The following TNR variants were observed in gnomAD, a reference collection of about 807,000 sequenced individuals.
TNR encodes tenascin R.
In TNR, 45 loss-of-function variants were observed where a neutral mutation model predicts 150.4. That is an observed-to-expected ratio of 0.30 (90% CI 0.24 to 0.38). The LOEUF is 0.38. Among genes scored for constraint, TNR ranks in the 10% least tolerant of loss-of-function variants. TNR has a pLI of 1.00. For missense variants in TNR, 1,544 were observed against 1,759.1 expected (o/e 0.88, Z 2.19); for synonymous variants, 687 against 678.4 (o/e 1.01, Z -0.20).
intron 2 of TNR, among the ~76,000 whole-genome samples, chr1:175,469,452 G>A (rs1430312280): frequency 6.6e-6 from 1 of 152,082 alleles, no homozygotes; most frequent in Non-Finnish European, 1.5e-5. Context: ...GGTCAGAGAA[G>A]GTTCAGAGAA....
chr1:175,699,474 G>T (rs11805782), intron 1 of TNR, among the ~76,000 whole-genome samples: 1 of 152,256 alleles, frequency 6.6e-6, no homozygotes, highest in South Asian at 2.1e-4. Flanking sequence ...CTTTAACTGA[G>T]GTTGGAGATT....
In TNR at chr1:175,320,725, T is replaced by TGTGTGTGTGTGTGTGTGTGTGTG. The variant is rs1553201218; in HGVS notation, c.*2631_*2632insCACACACACACACACACACACAC. On this transcript the variant is annotated 3_prime_UTR_variant, in exon 23 of 23. Coordinates refer to ENST00000367674, the MANE Select transcript of TNR (RefSeq NM_003285.3). ...GTGTGTGTGTGTGTGTGTGTGTGTG[T>TGTGTGTGTGTGTGTGTGTGTGTG]TTTACTTATGACTCCTGAATCAATC... The TGTGTGTGTGTGTGTGTGTGTGTG allele has an allele frequency of 1.3e-5, 2 of 151,622 alleles. No individual in the cohort carries two copies. Among genetic ancestry groups the TGTGTGTGTGTGTGTGTGTGTGTG allele is most frequent in the African/African-American group, 4.9e-5 (2 of 41,144 alleles). The allele number at this position is 151,622 out of a possible 1,614,324, so 9.4% of individuals were successfully genotyped here.
chr1:175,586,266 G>C (rs956045889), intron 1 of TNR, among the ~76,000 whole-genome samples: 2 of 152,156 alleles, frequency 1.3e-5, no homozygotes, highest in Non-Finnish European at 2.9e-5. Flanking sequence ...GATGCCAGGT[G>C]CTCCAAACAT....
At chr1:175,332,781 C>T (rs955838966) in intron 20 of TNR, among the ~76,000 whole-genome samples, 1 of 152,256 alleles carries the variant, frequency 6.6e-6, no homozygotes. Context: ...CCCTCAATGC[C>T]TTCTCCAGGA....
intron 1 of TNR, among the ~76,000 whole-genome samples, chr1:175,600,499 G>A (rs997585229): frequency 5.3e-5 from 8 of 152,216 alleles, no homozygotes; most frequent in African/African-American, 2.4e-5. Context: ...GTCTATACAT[G>A]AGATGCACCA....
intron 2 of TNR, among the ~76,000 whole-genome samples, chr1:175,412,140 A>C (rs1654240695): frequency 6.6e-6 from 1 of 152,192 alleles, no homozygotes; most frequent in African/African-American, 2.4e-5. Context: ...GAAAGGCCAA[A>C]GGATTTGACC....
In TNR at chr1:175,391,305, G is replaced by A. The variant is rs773634234; in HGVS notation, c.1490C>T (p.Ser497Leu). 1.5e-5 allele frequency: 24 copies of A among 1,613,838 alleles called. No individual in the cohort carries two copies. Among genetic ancestry groups the A allele is most frequent in the South Asian group, 2.2e-5 (2 of 91,076 alleles). Residue 497 changes from serine (S) to leucine (L), a missense_variant, in exon 7 of 23, where the codon TCG (serine) becomes TTG (leucine). Transcript: ENST00000367674. ...LKEQARSPPT[S>L]ASVSTVIDGP... Reference sequence around the variant, plus strand: ...GCACTCACCTGTGGAGACGCTGGCCGAGGTAGGGGGGCTGCGGGCCTGTTC... The same window carrying A: ...GCACTCACCTGTGGAGACGCTGGCCAAGGTAGGGGGGCTGCGGGCCTGTTC...
At chr1:175,613,880 T>C (rs901712321) in intron 1 of TNR, among the ~76,000 whole-genome samples, 15 of 152,222 alleles carry the variant, frequency 9.9e-5, no homozygotes, top group Non-Finnish European at 2.9e-5. Context: ...ACAATTTAAA[T>C]CCCATCCCCT....
intron 1 of TNR, among the ~76,000 whole-genome samples, chr1:175,531,868 C>T (rs1277018016): frequency 2.6e-5 from 4 of 152,266 alleles, no homozygotes; most frequent in Non-Finnish European, 5.9e-5. Flanking sequence ...GACTTTGTAG[C>T]ATGGGCTCCC....
chr1:175,378,140 C>G lies in TNR; in HGVS notation c.1963+1412G>C, dbSNP rs1318543644. On this transcript the variant is annotated intron_variant, in intron 9 of 22. Transcript: ENST00000367674. Reference sequence around the variant, plus strand: ...GCCTCTGACCTTGCCCTTCTCTGTACAATCCAGTCATTACATCACCTTATT... The same window carrying G: ...GCCTCTGACCTTGCCCTTCTCTGTAGAATCCAGTCATTACATCACCTTATT... 2.6e-5 allele frequency among the ~76,000 whole-genome samples: 4 copies of G among 152,332 alleles called. No individual in the cohort carries two copies. In the East Asian group the frequency reaches 7.7e-4, roughly 29 times the overall value.
chr1:175,363,643 T>C, intron 13 of TNR, 65 bp downstream of exon 13: 1 of 1,571,394 alleles, frequency 6.4e-7, no homozygotes. Flanking sequence ...CTGCGGGATA[T>C]GCTAGTTCTC....
In TNR at chr1:175,619,132, T is replaced by G. The variant is rs79631761; in HGVS notation, c.-164-90763A>C. Among the ~76,000 whole-genome samples, 365 of 152,214 alleles carry G rather than the reference T, an allele frequency of 2.4e-3. 1 individual carries two copies. In the East Asian group the frequency reaches 0.032, roughly 13 times the overall value. On this transcript the variant is annotated intron_variant, in intron 1 of 22. Coordinates refer to ENST00000367674, the MANE Select transcript of TNR (RefSeq NM_003285.3). Reference sequence around the variant, plus strand: ...GACTGAGTGCCTGTTCTCTCCAGTCTCCTCCTCTATCACGGTCTACTCCTC... The same window carrying G: ...GACTGAGTGCCTGTTCTCTCCAGTCGCCTCCTCTATCACGGTCTACTCCTC...
At position 175,466,075 on chromosome 1, in the gene TNR, A is replaced by G. The variant is rs530622892; in HGVS notation, c.-63-59298T>C. On this transcript the variant is annotated intron_variant, in intron 2 of 22. Coordinates refer to ENST00000367674, the MANE Select transcript of TNR (RefSeq NM_003285.3). ...TGTGGTGCACTAACAATAGACTTTC[A>G]GGAACTGAGCTCCATCACCCTATGT... is the stretch of plus-strand genomic sequence containing the variant. Among the ~76,000 whole-genome samples the G allele has an allele frequency of 1.8e-4, 27 of 152,306 alleles. No individual in the cohort carries two copies. The South Asian group carries it at 2.9e-3, about 16-fold the overall frequency.
At chr1:175,637,753 A>G (rs1664532896) in intron 1 of TNR, among the ~76,000 whole-genome samples, 1 of 152,182 alleles carries the variant, frequency 6.6e-6, no homozygotes, top group African/African-American at 2.4e-5. Flanking sequence ...CTAGGGGGGA[A>G]ATGTCAAATC....
At chr1:175,505,722 G>A (rs1658933740) in intron 2 of TNR, among the ~76,000 whole-genome samples, 1 of 152,222 alleles carries the variant, frequency 6.6e-6, no homozygotes, top group Non-Finnish European at 1.5e-5. Flanking sequence ...TCACTTAATA[G>A]GATTGTTATG....
At chr1:175,535,144 T>C (rs74423083) in intron 1 of TNR, among the ~76,000 whole-genome samples, 1,848 of 152,248 alleles carry the variant, frequency 0.012, 29 homozygotes, top group African/African-American at 0.042. Flanking sequence ...CAGAAGCCCT[T>C]TTCCAGAAAG....
intron 2 of TNR, among the ~76,000 whole-genome samples, chr1:175,493,416 G>A (rs1658344184): frequency 6.6e-6 from 1 of 152,248 alleles, no homozygotes; most frequent in Non-Finnish European, 1.5e-5. Context: ...ATGCCCAGCA[G>A]AAGTGAGAGG....
intron 1 of TNR, among the ~76,000 whole-genome samples, chr1:175,715,096 T>C (rs1667118756): frequency 6.6e-6 from 1 of 152,122 alleles, no homozygotes; most frequent in South Asian, 2.1e-4. Flanking sequence ...ACATAAAAGC[T>C]CAAGCCCCAG....
chr1:175,565,238 G>A (rs1452542528), intron 1 of TNR, among the ~76,000 whole-genome samples: 3 of 152,158 alleles, frequency 2.0e-5, no homozygotes, highest in Non-Finnish European at 1.5e-5. Context: ...GCGAGGATAC[G>A]TTGCTTCTTT....
Sources: gnomAD v4.1 joint callset for allele counts (sites outside exome capture counted in the v4.1 genomes callset) on GRCh38, gnomAD v4.1.1 for gene constraint, MANE v1.5 for transcripts, NCBI Gene and HGNC (gene_info 2026-07-23, HGNC 2026-07-21) for gene names.